PCDHGB2: variants seen among roughly 807,000 people sequenced by gnomAD.
PCDHGB2 encodes protocadherin gamma subfamily B, 2, also known as protocadherin gamma-B2.
Under a neutral mutation model 59.3 loss-of-function variants are expected in PCDHGB2, and 55 were observed. The ratio of observed to expected loss-of-function variants is 0.93; its 90% CI spans 0.75 to 1.16. The LOEUF (loss-of-function observed/expected upper bound fraction) is 1.16. Ranked by LOEUF, PCDHGB2 falls within the 50% of genes most tolerant of loss-of-function variation. PCDHGB2 has a pLI of 0.00. For missense variants in PCDHGB2, 1,228 were observed against 1,198.5 expected (o/e 1.02, Z -0.36); for synonymous variants, 516 against 512.0 (o/e 1.01, Z -0.11).
chr5:141,405,037 G>C (rs756524085), intron 1 of PCDHGB2: 5 of 1,613,856 alleles, frequency 3.1e-6, no homozygotes, highest in Non-Finnish European at 4.2e-6. Flanking sequence ...ACCTCGTTGT[G>C]GCTGTGGCAG....
At chr5:141,392,922 G>A (rs2092629176) in intron 1 of PCDHGB2, 1 of 1,613,946 alleles carries the variant, frequency 6.2e-7, no homozygotes, top group African/African-American at 1.3e-5. Context: ...CTCTGTGCCA[G>A]AAGAGACGGA....
At chr5:141,376,334 C>A (rs11575955) in intron 1 of PCDHGB2, 21,352 of 1,614,178 alleles carry the variant, frequency 0.013, 167 homozygotes, top group Non-Finnish European at 0.016. Flanking sequence ...GGCTTTCCTG[C>A]AGACCTATTC....
At chr5:141,399,933 C>T in intron 1 of PCDHGB2, 5 of 1,612,358 alleles carry the variant, frequency 3.1e-6, no homozygotes, top group Non-Finnish European at 1.7e-6. Context: ...GGCTGTCCTA[C>T]CACGTGCTGC....
chr5:141,417,028 GTTT>G, intron 1 of PCDHGB2: 2 of 150,056 alleles, frequency 1.3e-5, no homozygotes, highest in East Asian at 3.9e-4. Flanking sequence ...AAAAATACAG[GTTT>G]TTTTTTTAAA....
At chr5:141,503,363 G>A (rs2099819478) in intron 2 of PCDHGB2, among the ~76,000 whole-genome samples, 2 of 152,132 alleles carry the variant, frequency 1.3e-5, no homozygotes, top group East Asian at 1.9e-4. Context: ...TTGGGAAGCG[G>A]AGGCAGGTGG....
chr5:141,364,729 C>A, intron 1 of PCDHGB2: 2 of 1,613,898 alleles, frequency 1.2e-6, no homozygotes, highest in Non-Finnish European at 1.7e-6. Flanking sequence ...TCCCGCGTTT[C>A]CGGGATGAAG....
chr5:141,423,693 G>T lies in PCDHGB2; in HGVS notation c.2421+61137G>T, dbSNP rs114008539. On this transcript the variant is annotated intron_variant, in intron 1 of 3. Transcript: ENST00000522605. ...TTATTTCTCTGCCTCCTAATTGTTG[G>T]TGTCTTGGCACAAGTCTTTTAAGGA... 910 of 1,396,244 alleles carry T rather than the reference G, an allele frequency of 6.5e-4. 7 individuals carry two copies. The African/African-American group carries it at 0.012, about 18-fold the overall frequency. 86.5% of individuals were successfully genotyped at this position (1,396,244 alleles called of 1,614,324 possible).
Position 141,376,056 on chromosome 5 carries a change from T to C in PCDHGB2, c.2421+13500T>C, listed in dbSNP as rs768295127. 1.1e-5 allele frequency: 18 copies of C among 1,613,354 alleles called. No individual in the cohort carries two copies. In the South Asian group the frequency reaches 1.9e-4, roughly 17 times the overall value. ...GGCCAGCCCCCTCTCTCCGCCACTG[T>C]CACGCTCACCGTGGCCGTGGCCGAC... On this transcript the variant is annotated intron_variant, in intron 1 of 3. Coordinates refer to ENST00000522605, the MANE Select transcript of PCDHGB2 (RefSeq NM_018923.3).
intron 1 of PCDHGB2, among the ~76,000 whole-genome samples, chr5:141,449,240 G>A (rs535847654): frequency 6.6e-6 from 1 of 152,186 alleles, no homozygotes; most frequent in Non-Finnish European, 1.5e-5. Context: ...ATTTTCAAAG[G>A]AGTTGCAAGA....
At chr5:141,495,910 A>C (rs2154591812) in intron 2 of PCDHGB2, among the ~76,000 whole-genome samples, 1 of 151,278 alleles carries the variant, frequency 6.6e-6, no homozygotes, top group East Asian at 1.9e-4. Flanking sequence ...GTCTCTGTAT[A>C]TCTTTCTTTG....
At chr5:141,372,434 T>A (rs767132959) in intron 1 of PCDHGB2, 27 of 1,613,890 alleles carry the variant, frequency 1.7e-5, no homozygotes, top group Non-Finnish European at 2.0e-5. Flanking sequence ...ACCGCCCCAC[T>A]CCCTCTGACC....
chr5:141,386,970 C>T (rs767088472), intron 1 of PCDHGB2, among the ~76,000 whole-genome samples: 17 of 152,108 alleles, frequency 1.1e-4, no homozygotes, highest in Non-Finnish European at 2.1e-4. Flanking sequence ...ATCTCAGTGA[C>T]TTTGTGTTTT....
chr5:141,403,353 A>T lies in PCDHGB2; in HGVS notation c.2421+40797A>T, dbSNP rs1335542003. The T allele has an allele frequency of 2.5e-6, 4 of 1,613,932 alleles. No individual in the cohort carries two copies. In the East Asian group the frequency reaches 6.7e-5, roughly 27 times the overall value. ...ATTAACGACAGCGCCCCAAAGTTCC[A>T]GGCCGAAAGTCTGGAAGTAAAAATT... On this transcript the variant is annotated intron_variant, in intron 1 of 3. Coordinates refer to ENST00000522605, the MANE Select transcript of PCDHGB2 (RefSeq NM_018923.3).
In PCDHGB2 at chr5:141,376,671, G is replaced by T. The variant is rs541543618; in HGVS notation, c.2421+14115G>T. Reference sequence around the variant, plus strand: ...GGAAGACTCCCTTGTTCAGGTGAGGGTATCGTTTTTTTTTTTTTTTTTTTT... The same window carrying T: ...GGAAGACTCCCTTGTTCAGGTGAGGTTATCGTTTTTTTTTTTTTTTTTTTT... On this transcript the variant is annotated intron_variant, in intron 1 of 3. Transcript: ENST00000522605. The T allele has an allele frequency of 4.4e-4, 244 of 553,734 alleles. 1 individual carries two copies. The East Asian group carries it at 5.1e-3, about 12-fold the overall frequency. 34.3% of individuals were successfully genotyped at this position (553,734 alleles called of 1,614,324 possible).
intron 1 of PCDHGB2, chr5:141,374,829 T>A: frequency 1.2e-6 from 2 of 1,613,956 alleles, no homozygotes; most frequent in South Asian, 1.1e-5. Flanking sequence ...GTCTACCGTG[T>A]AAGTGTTCCT....
In PCDHGB2 at chr5:141,431,321, G is replaced by A. The variant is rs112186927; in HGVS notation, c.2422-63486G>A. The A allele has an allele frequency of 1.2e-6, 2 of 1,613,938 alleles. No individual in the cohort carries two copies. The highest frequency in any genetic ancestry group is 1.3e-5 in the African/African-American group (1 of 74,910). ...CCTCATCGTGCAAAATGGAGCCGAC[G>A]GTAGTAAGTACCCCGAATTGGTGCT... is the stretch of plus-strand genomic sequence containing the variant. On this transcript the variant is annotated intron_variant, in intron 1 of 3. Transcript: ENST00000522605. The surrounding 1 kb of genome is among the most constrained non-coding windows in gnomAD (Gnocchi z 4.8).
rs1330659052 is a variant in PCDHGB2, at chr5:141,490,012, G to T, written c.2422-4795G>T. On this transcript the variant is annotated intron_variant, in intron 1 of 3. Transcript: ENST00000522605. The surrounding 1 kb of genome is among the most constrained non-coding windows in gnomAD (Gnocchi z 5.4). ...GGGAATCCCAGAGAATGCACCCATT[G>T]GTACTCTGCTGCTCCGCCTCAATGC... The T allele has an allele frequency of 1.2e-6, 2 of 1,614,232 alleles. No homozygotes were observed. Among genetic ancestry groups the T allele is most frequent in the East Asian group, 4.5e-5 (2 of 44,888 alleles).
intron 1 of PCDHGB2, among the ~76,000 whole-genome samples, chr5:141,425,691 T>C (rs1411905655): frequency 6.6e-6 from 1 of 152,238 alleles, no homozygotes. Context: ...TGCATATCAT[T>C]TCATAGTGGT....
chr5:141,417,613 G>A (rs984573855), intron 1 of PCDHGB2: 2 of 624,312 alleles, frequency 3.2e-6, no homozygotes, highest in African/African-American at 3.7e-5. Flanking sequence ...GTCGGCCAGT[G>A]CAGAGCAAGC....
Sources: allele counts gnomAD v4.1 joint callset (sites outside exome capture counted in the v4.1 genomes callset), GRCh38; gene constraint gnomAD v4.1.1; non-coding constraint Gnocchi (gnomAD v3.1); transcripts MANE v1.5; gene names NCBI Gene and HGNC (gene_info 2026-07-23, HGNC 2026-07-21).